The following FGF12 variants were observed in gnomAD, a reference collection of about 807,000 sequenced individuals.
FGF12 encodes fibroblast growth factor 12.
FGF12 carries 14 observed loss-of-function variants against 23.6 expected under a neutral mutation model. The ratio of observed to expected loss-of-function variants is 0.59; its 90% confidence interval spans 0.39 to 0.93. The LOEUF (loss-of-function observed/expected upper bound fraction) is 0.93. Ranked by LOEUF, FGF12 falls within the 40% of genes least tolerant of loss-of-function variation. The pLI is 0.00. For missense variants in FGF12, 175 were observed against 217.8 expected (o/e 0.80, Z 1.24); for synonymous variants, 62 against 77.3 (o/e 0.80, Z 1.04).
At chr3:192,350,654 A>G (rs1348711467) in intron 3 of FGF12, among the ~76,000 whole-genome samples, 3 of 152,150 alleles carry the variant, frequency 2.0e-5, no homozygotes, top group Non-Finnish European at 4.4e-5. Context: ...TCAGGCAAGA[A>G]CATGGTTGGT....
chr3:192,246,477 G>C (rs1326405872), intron 4 of FGF12, among the ~76,000 whole-genome samples: 3 of 152,084 alleles, frequency 2.0e-5, no homozygotes, highest in Non-Finnish European at 2.9e-5. Flanking sequence ...ATAGTATGCA[G>C]GCTTTTCCAG....
At chr3:192,255,677 A>G (rs1712337701) in intron 4 of FGF12, among the ~76,000 whole-genome samples, 1 of 152,066 alleles carries the variant, frequency 6.6e-6, no homozygotes, top group Non-Finnish European at 1.5e-5. Context: ...TAACTTTATT[A>G]AAACAATATT....
intron 4 of FGF12, among the ~76,000 whole-genome samples, chr3:192,252,642 C>T (rs893298767): frequency 6.6e-6 from 1 of 151,886 alleles, no homozygotes; most frequent in Admixed American, 6.6e-5. Flanking sequence ...GTACTTTCTG[C>T]CGCCAACTCT....
Position 192,139,535 on chromosome 3 carries a change from A to G in FGF12, c.*4474T>C, listed in dbSNP as rs186698358. On this transcript the variant is annotated 3_prime_UTR_variant, in exon 6 of 6. Transcript: ENST00000445105. ...ATTGGAGCTAATACCAATTCTAGCC[A>G]TGGGAGTATGTTTTGGACTTTTTGA... The G allele has an allele frequency of 6.6e-6, 1 of 152,248 alleles. No individual in the cohort carries two copies. Among genetic ancestry groups the G allele is most frequent in the Admixed American group, 6.5e-5 (1 of 15,292 alleles). 9.4% of individuals were successfully genotyped at this position (152,248 alleles called of 1,614,324 possible).
intron 2 of FGF12, among the ~76,000 whole-genome samples, chr3:192,485,150 C>A (rs1429315908): frequency 1.3e-5 from 2 of 152,014 alleles, no homozygotes; most frequent in African/African-American, 4.8e-5. Flanking sequence ...AACAGGTGTG[C>A]ATGTGTGCAT....
At chr3:192,411,623 A>C (rs1186790649) in intron 2 of FGF12, among the ~76,000 whole-genome samples, 1 of 152,212 alleles carries the variant, frequency 6.6e-6, no homozygotes, top group Non-Finnish European at 1.5e-5. Flanking sequence ...AAATATTCAC[A>C]TTCCACAGAT....
chr3:192,256,294 C>G (rs1189798349), intron 4 of FGF12, among the ~76,000 whole-genome samples: 1 of 151,880 alleles, frequency 6.6e-6, no homozygotes, highest in African/African-American at 2.4e-5. Flanking sequence ...TCCTTTTAAT[C>G]TTTTGATACT....
chr3:192,244,775 C>T, intron 4 of FGF12: 1 of 152,176 alleles, frequency 6.6e-6, no homozygotes, highest in East Asian at 1.9e-4. Flanking sequence ...TACTATCCCA[C>T]ATGAGTCATA....
At chr3:192,673,449 C>T (rs972821335) in intron 2 of FGF12, among the ~76,000 whole-genome samples, 4 of 150,444 alleles carry the variant, frequency 2.7e-5, no homozygotes, top group East Asian at 1.9e-4. Context: ...CATAGGTAAA[C>T]GTATGCCATG....
intron 2 of FGF12, among the ~76,000 whole-genome samples, chr3:192,609,046 C>T (rs562394526): frequency 2.2e-4 from 33 of 152,068 alleles, no homozygotes; most frequent in Non-Finnish European, 4.1e-4. Context: ...TTCTGTGTTC[C>T]TTCTGGATAA....
intron 2 of FGF12, among the ~76,000 whole-genome samples, chr3:192,588,310 A>G (rs1324097008): frequency 2.1e-5 from 3 of 140,894 alleles, no homozygotes; most frequent in African/African-American, 7.8e-5. Context: ...AGATCGCGCC[A>G]CTGCACTCCA....
chr3:192,424,749 C>T (rs370966150), intron 2 of FGF12, among the ~76,000 whole-genome samples: 6 of 152,070 alleles, frequency 3.9e-5, no homozygotes, highest in African/African-American at 9.6e-5. Flanking sequence ...AATGATTCAC[C>T]GTACACACAG....
intron 4 of FGF12, among the ~76,000 whole-genome samples, chr3:192,197,666 C>T (rs923859073): frequency 2.6e-5 from 4 of 152,156 alleles, no homozygotes; most frequent in Non-Finnish European, 4.4e-5. Context: ...TCCTGGGGGC[C>T]GGATGTGGTG....
At chr3:192,513,927 CGT>C (rs1056235219) in intron 2 of FGF12, among the ~76,000 whole-genome samples, 3 of 152,130 alleles carry the variant, frequency 2.0e-5, no homozygotes, top group African/African-American at 7.2e-5. Context: ...ATGGAGGAAA[CGT>C]GGTGAAACAG....
intron 4 of FGF12, among the ~76,000 whole-genome samples, chr3:192,249,759 C>A (rs146553402): frequency 5.4e-4 from 82 of 152,218 alleles, no homozygotes; most frequent in African/African-American, 1.9e-3. Flanking sequence ...TGTCAGACTA[C>A]AAAAGGGAGA....
chr3:192,248,967 T>C (rs1236412588), intron 4 of FGF12, among the ~76,000 whole-genome samples: 1 of 152,190 alleles, frequency 6.6e-6, no homozygotes, highest in Admixed American at 6.5e-5. Flanking sequence ...GAGTTTTGAA[T>C]AGTTTTAACA....
intron 4 of FGF12, among the ~76,000 whole-genome samples, chr3:192,224,041 C>T (rs1347670800): frequency 6.6e-6 from 1 of 152,128 alleles, no homozygotes; most frequent in Non-Finnish European, 1.5e-5. Context: ...CTGCCCAAAT[C>T]TAATACTACC....
intron 2 of FGF12, among the ~76,000 whole-genome samples, chr3:192,644,510 A>G (rs1307078482): frequency 6.6e-6 from 1 of 152,216 alleles, no homozygotes. Flanking sequence ...TTGTTGAATC[A>G]TTGATTCAAC....
At chr3:192,618,548 A>T (rs1437768037) in intron 2 of FGF12, among the ~76,000 whole-genome samples, 1 of 152,206 alleles carries the variant, frequency 6.6e-6, no homozygotes, top group Non-Finnish European at 1.5e-5. Flanking sequence ...GCAGCATATC[A>T]ATAATAAATT....
Sources: gnomAD v4.1 joint callset for allele counts (sites outside exome capture counted in the v4.1 genomes callset) on GRCh38, gnomAD v4.1.1 for gene constraint, MANE v1.5 for transcripts, NCBI Gene and HGNC (gene_info 2026-07-23, HGNC 2026-07-21) for gene names.